The following CACNA1C variants were observed in gnomAD, a reference collection of about 807,000 sequenced individuals.
CACNA1C encodes calcium voltage-gated channel subunit alpha1 C.
Under a neutral mutation model 229.0 loss-of-function variants are expected in CACNA1C, and 30 were observed. The ratio of observed to expected loss-of-function variants is 0.13; its 90% confidence interval spans 0.10 to 0.18. The LOEUF is 0.18. CACNA1C is among the 10% of genes least tolerant of loss of function. The pLI, the probability that CACNA1C is intolerant of heterozygous loss-of-function variation, is 1.00. For missense variants in CACNA1C, 1,658 were observed against 2,845.0 expected (o/e 0.58, Z 9.49); for synonymous variants, 1,114 against 1,132.5 (o/e 0.98, Z 0.33).
intron 3 of CACNA1C, among the ~76,000 whole-genome samples, chr12:2,325,420 A>G (rs2096247964): frequency 6.6e-6 from 1 of 152,248 alleles, no homozygotes; most frequent in African/African-American, 2.4e-5. Context: ...CAATCCTAAG[A>G]AGTAAATGTC....
rs184693106 is a variant in CACNA1C at position 2,310,363 on chromosome 12, A to G, written c.478-138613A>G. Among the ~76,000 whole-genome samples the G allele has an allele frequency of 6.3e-4, 95 of 150,320 alleles. 1 individual carries two copies. The East Asian group carries it at 0.017, about 27-fold the overall frequency. On this transcript the variant is annotated intron_variant, in intron 3 of 46. Transcript: ENST00000399655. ...CAGTTAAAAAAAAAAATATATATAT[A>G]TATATATATGTATGGGAATAAAGAC...
At chr12:2,077,839 C>T (rs187952012) in intron 1 of CACNA1C, among the ~76,000 whole-genome samples, 221 of 152,260 alleles carry the variant, frequency 1.5e-3, no homozygotes, top group African/African-American at 5.0e-3. Flanking sequence ...TGCTGTGTCA[C>T]CTTTGAGAGA....
In CACNA1C at chr12:2,403,657, A is replaced by G. The variant is rs1322618077; in HGVS notation, c.478-45319A>G. Among the ~76,000 whole-genome samples the G allele has an allele frequency of 1.3e-5, 2 of 152,172 alleles. No individual in the cohort carries two copies. The highest frequency in any genetic ancestry group is 6.5e-5 in the Admixed American group (1 of 15,274). ...CTATATGATTAGGAAAGTACAGTAA[A>G]TAACAGATGAGAAGATGACTCGTGC... is the stretch of plus-strand genomic sequence containing the variant. On this transcript the variant is annotated intron_variant, in intron 3 of 46. Transcript: ENST00000399655. The surrounding 1 kb of genome is among the most constrained non-coding windows in gnomAD (Gnocchi z 4.1).
At chr12:2,110,745 G>A (rs965757833) in intron 1 of CACNA1C, among the ~76,000 whole-genome samples, 13 of 152,202 alleles carry the variant, frequency 8.5e-5, no homozygotes, top group African/African-American at 2.9e-4. Flanking sequence ...AGCCACATAT[G>A]ACTGGTAGCC....
intron 1 of CACNA1C, among the ~76,000 whole-genome samples, chr12:1,972,484 TA>T (rs568541883): frequency 6.6e-6 from 1 of 151,798 alleles, no homozygotes; most frequent in Non-Finnish European, 1.5e-5. Flanking sequence ...CCAAGATATT[TA>T]AAAAAAACAG....
At position 2,531,217 on chromosome 12, in the gene CACNA1C, A is replaced by G. The variant is rs77106855; in HGVS notation, c.1390+18233A>G. ...TAACAGGAGGTTTACCCAGGCTTAC[A>G]CCCAGGCACGCCCCATCTGACTCGA... On this transcript the variant is annotated intron_variant, in intron 9 of 46. Transcript: ENST00000399655. Among the ~76,000 whole-genome samples, 618 of 152,340 alleles carry G rather than the reference A, an allele frequency of 4.1e-3. 25 individuals are homozygous for G. The South Asian group carries it at 0.052, about 13-fold the overall frequency.
chr12:2,495,861 A>G (rs751901206), intron 7 of CACNA1C, among the ~76,000 whole-genome samples: 10 of 152,226 alleles, frequency 6.6e-5, no homozygotes, highest in Admixed American at 2.0e-4. Flanking sequence ...CCTAAAACTG[A>G]AACTTGGGTA....
chr12:2,074,776 C>T (rs2062589585), intron 1 of CACNA1C, among the ~76,000 whole-genome samples: 1 of 152,180 alleles, frequency 6.6e-6, no homozygotes, highest in Non-Finnish European at 1.5e-5. Context: ...AGCCCATAGC[C>T]ATCCATACCC....
At chr12:2,619,376 A>G (rs898747565) in intron 29 of CACNA1C, among the ~76,000 whole-genome samples, 2 of 152,196 alleles carry the variant, frequency 1.3e-5, no homozygotes, top group Non-Finnish European at 2.9e-5. Context: ...TCAGCACCAA[A>G]GGAACTTCAC....
chr12:2,143,416 G>A lies in CACNA1C; in HGVS notation c.477+22986G>A, dbSNP rs776917587. 2.6e-5 allele frequency among the ~76,000 whole-genome samples: 4 copies of A among 151,132 alleles called. No homozygotes were observed. In the South Asian group the frequency reaches 6.3e-4, roughly 24 times the overall value. On this transcript the variant is annotated intron_variant, in intron 3 of 46. Transcript: ENST00000399655. Reference sequence around the variant, plus strand: ...AGCAACTTTCAGTCCTGCAAGCTCCGTTCATGGTAAGTGCCCTATACAGGT... The same window carrying A: ...AGCAACTTTCAGTCCTGCAAGCTCCATTCATGGTAAGTGCCCTATACAGGT...
intron 3 of CACNA1C, among the ~76,000 whole-genome samples, chr12:2,428,685 A>G (rs2099055199): frequency 6.6e-6 from 1 of 152,178 alleles, no homozygotes. Context: ...TGAACTTGCA[A>G]CCCAATGAGA....
At chr12:2,156,114 A>G (rs1010298041) in intron 3 of CACNA1C, among the ~76,000 whole-genome samples, 2 of 152,232 alleles carry the variant, frequency 1.3e-5, no homozygotes, top group Non-Finnish European at 2.9e-5. Context: ...TAAGCTAAAA[A>G]TGGGCCAAAT....
chr12:2,614,185 T>C (rs2079249419), intron 29 of CACNA1C: 2 of 152,214 alleles, frequency 1.3e-5, no homozygotes, highest in Non-Finnish European at 1.5e-5. Context: ...GTCTAAACTG[T>C]AAAGTGCCTC....
intron 3 of CACNA1C, among the ~76,000 whole-genome samples, chr12:2,233,506 C>G (rs2066132069): frequency 6.6e-6 from 1 of 152,170 alleles, no homozygotes. Context: ...GAACTCATCT[C>G]AGATTGTTCA....
chr12:2,146,396 A>C (rs551029953), intron 3 of CACNA1C, among the ~76,000 whole-genome samples: 46 of 151,554 alleles, frequency 3.0e-4, no homozygotes, highest in African/African-American at 1.1e-3. Flanking sequence ...TTGTGTGCTC[A>C]TCATAGTAAA....
chr12:2,158,773 G>A (rs1195814182), intron 3 of CACNA1C, among the ~76,000 whole-genome samples: 1 of 152,142 alleles, frequency 6.6e-6, no homozygotes, highest in Non-Finnish European at 1.5e-5. Context: ...AACTTAGCCC[G>A]ATGCACCTTC....
intron 1 of CACNA1C, among the ~76,000 whole-genome samples, chr12:1,973,589 C>A (rs1258614826): frequency 6.6e-6 from 1 of 152,168 alleles, no homozygotes; most frequent in Non-Finnish European, 1.5e-5. Flanking sequence ...CAGAGATCAT[C>A]ATCTTCCTAA....
chr12:2,635,875 T>C (rs144045386), intron 30 of CACNA1C, among the ~76,000 whole-genome samples: 471 of 152,180 alleles, frequency 3.1e-3, no homozygotes, highest in Non-Finnish European at 5.5e-3. Context: ...TGTGTGTGAG[T>C]GTATGTGTGT....
At chr12:2,251,971 A>T (rs1195259985) in intron 3 of CACNA1C, among the ~76,000 whole-genome samples, 1 of 152,170 alleles carries the variant, frequency 6.6e-6, no homozygotes, top group African/African-American at 2.4e-5. Context: ...CATCTGCAGC[A>T]GGCTTAGGCA....
Sources: gnomAD v4.1 joint callset for allele counts (sites outside exome capture counted in the v4.1 genomes callset) on GRCh38, gnomAD v4.1.1 for gene constraint, Gnocchi (gnomAD v3.1) non-coding constraint, MANE v1.5 for transcripts, NCBI Gene and HGNC (gene_info 2026-07-23, HGNC 2026-07-21) for gene names.